CHLSN: variants seen among roughly 807,000 people sequenced by gnomAD.
CHLSN encodes protein cholesin.
At chr7:1,136,481 A>T in the CHLSN span, among the ~76,000 whole-genome samples, 1 of 123,674 alleles carries the variant, frequency 8.1e-6, no homozygotes, top group Non-Finnish European at 1.6e-5. Context: ...TAAATATATA[A>T]ACATATATAA....
chr7:979,527 G>A, the CHLSN span, among the ~76,000 whole-genome samples: 19 of 152,224 alleles, frequency 1.2e-4, no homozygotes, highest in Admixed American at 5.2e-4. Flanking sequence ...CACGGTGGGC[G>A]GATCATCTGA....
At chr7:1,060,449 A>C in the CHLSN span, among the ~76,000 whole-genome samples, 1 of 152,116 alleles carries the variant, frequency 6.6e-6, no homozygotes, top group Non-Finnish European at 1.5e-5. Context: ...CACAGCCTGA[A>C]CGCGCTGGAA....
chr7:1,068,647 TCCC>T, the CHLSN span, among the ~76,000 whole-genome samples: 2 of 151,790 alleles, frequency 1.3e-5, no homozygotes, highest in African/African-American at 4.8e-5. Context: ...TCCCCAGTCT[TCCC>T]CCCAACGCTT....
chr7:1,133,532 C>T, the CHLSN span, among the ~76,000 whole-genome samples: 3 of 151,708 alleles, frequency 2.0e-5, no homozygotes, highest in Non-Finnish European at 2.9e-5. Context: ...AGATGGATCA[C>T]GAGGTCAGGA....
chr7:1,125,415 A>C, the CHLSN span, among the ~76,000 whole-genome samples: 2 of 152,220 alleles, frequency 1.3e-5, no homozygotes, highest in East Asian at 3.9e-4. Flanking sequence ...CGAGACCTCC[A>C]GCACTAATCA....
At chr7:988,209 C>A in the CHLSN span, 1 of 1,495,220 alleles carries the variant, frequency 6.7e-7, no homozygotes, top group African/African-American at 1.4e-5. Context: ...TGGAATGAAA[C>A]TTCCCAACCC....
the CHLSN span, among the ~76,000 whole-genome samples, chr7:1,102,178 C>T: frequency 2.4e-4 from 37 of 152,234 alleles, no homozygotes; most frequent in African/African-American, 7.2e-4. Flanking sequence ...CACAAAAAAA[C>T]GGCAAAACAC....
the CHLSN span, among the ~76,000 whole-genome samples, chr7:1,016,713 G>A: frequency 4.0e-3 from 375 of 93,670 alleles, 4 homozygotes; most frequent in African/African-American, 0.015. Flanking sequence ...ACACGCCAGC[G>A]CACAGCAGCA....
chr7:997,536 AACCCGGCCCCC>A, the CHLSN span: 1 of 1,196,426 alleles, frequency 8.4e-7, no homozygotes, highest in Non-Finnish European at 1.1e-6. Context: ...CCTGCTGGTG[AACCCGGCCCCC>A]ACCGCCGGAG....
At chr7:1,014,824 C>T in the CHLSN span, among the ~76,000 whole-genome samples, 24 of 132,256 alleles carry the variant, frequency 1.8e-4, no homozygotes, top group Admixed American at 6.5e-4. Flanking sequence ...GGCAGCGTTC[C>T]GGTTGGTGTC....
chr7:1,084,302 G>A, the CHLSN span, among the ~76,000 whole-genome samples: 9 of 152,232 alleles, frequency 5.9e-5, no homozygotes, highest in South Asian at 2.1e-4. Flanking sequence ...ATGCCCTCCC[G>A]GGGGCGTGGG....
chr7:1,084,867 G>A, the CHLSN span, among the ~76,000 whole-genome samples: 4 of 152,272 alleles, frequency 2.6e-5, no homozygotes, highest in East Asian at 1.9e-4. Flanking sequence ...CTCTGCTCCT[G>A]CAGAATCAGG....
the CHLSN span, among the ~76,000 whole-genome samples, chr7:1,136,369 A>AATATGTAAAC: frequency 1.0e-5 from 1 of 97,432 alleles, no homozygotes; most frequent in African/African-American, 5.7e-5. Flanking sequence ...CATATATATA[A>AATATGTAAAC]ATATATATAA....
At chr7:991,209 G>A in the CHLSN span, among the ~76,000 whole-genome samples, 10 of 152,210 alleles carry the variant, frequency 6.6e-5, no homozygotes, top group African/African-American at 1.2e-4. Context: ...GATGAGTGAC[G>A]GCTGAGCTTC....
chr7:982,793 G>C, the CHLSN span, among the ~76,000 whole-genome samples: 1 of 152,354 alleles, frequency 6.6e-6, no homozygotes, highest in Middle Eastern at 3.4e-3. Flanking sequence ...GTCCCACTCA[G>C]AGCCTGTGAA....
chr7:993,286 C>T, the CHLSN span, among the ~76,000 whole-genome samples: 4 of 152,176 alleles, frequency 2.6e-5, no homozygotes, highest in Non-Finnish European at 4.4e-5. Flanking sequence ...ACACGGCGCC[C>T]GGCCAGGGCC....
chr7:1,066,143 C>T, the CHLSN span, among the ~76,000 whole-genome samples: 1 of 152,238 alleles, frequency 6.6e-6, no homozygotes, highest in African/African-American at 2.4e-5. Context: ...GGAGAATGCG[C>T]CGGTTCTGTT....
At chr7:1,057,394 T>C in the CHLSN span, 4 of 606,550 alleles carry the variant, frequency 6.6e-6, no homozygotes, top group Admixed American at 2.8e-5. Context: ...TCTGCAGCGA[T>C]TACTGCACCA....
the CHLSN span, among the ~76,000 whole-genome samples, chr7:1,035,642 T>C: frequency 6.6e-6 from 1 of 152,138 alleles, no homozygotes; most frequent in Non-Finnish European, 1.5e-5. Context: ...CATCACCAAA[T>C]GCGGGTGAGG....
Sources: allele counts gnomAD v4.1 joint callset (sites outside exome capture counted in the v4.1 genomes callset), GRCh38; gene constraint gnomAD v4.1.1; transcripts MANE v1.5; gene names NCBI Gene and HGNC (gene_info 2026-07-23, HGNC 2026-07-21).